GATA4: variants seen among roughly 807,000 people sequenced by gnomAD.
GATA4 encodes the protein transcription factor GATA-4.
In GATA4, 7 loss-of-function variants were observed where a neutral mutation model predicts 37.9. The observed-to-expected ratio is 0.18, with a 90% CI of 0.11 to 0.35. GATA4 has a LOEUF of 0.35. Ranked by LOEUF, GATA4 falls within the 10% of genes least tolerant of loss-of-function variation. GATA4 has a pLI of 1.00. For synonymous variants in GATA4, 372 were observed against 292.6 expected, an observed-to-expected ratio of 1.27 and a Z score of -2.77; for missense variants, 647 against 653.0, an observed-to-expected ratio of 0.99 and a Z score of 0.10.
At chr8:11,701,244 GAAA>G (rs56051265), upstream of GATA4, among the ~76,000 whole-genome samples, 235 of 126,332 alleles carry the variant, frequency 1.9e-3, no homozygotes, top group African/African-American at 3.5e-3. Flanking sequence ...CAGGTTCTTA[GAAA>G]AAAAAAAAAA....
intron 1 of GATA4, among the ~76,000 whole-genome samples, chr8:11,687,505 G>A (rs1272751711): frequency 6.6e-6 from 1 of 152,284 alleles, no homozygotes; most frequent in African/African-American, 2.4e-5. Context: ...TGGGGGCAAT[G>A]AATAATTGTT....
intron 2 of GATA4, among the ~76,000 whole-genome samples, chr8:11,743,084 T>C (rs1261579891): frequency 3.9e-5 from 6 of 152,240 alleles, no homozygotes; most frequent in African/African-American, 1.2e-4. Flanking sequence ...CTTTCCACTG[T>C]TGACGTGTCT....
chr8:11,701,573 C>T (rs1007153643), upstream of GATA4, among the ~76,000 whole-genome samples: 3 of 152,054 alleles, frequency 2.0e-5, no homozygotes, highest in African/African-American at 7.2e-5. Context: ...CCCGCTTGGC[C>T]CAAGGGAGGG....
At chr8:11,732,423 C>T (rs146063106) in intron 2 of GATA4, among the ~76,000 whole-genome samples, 1 of 152,294 alleles carries the variant, frequency 6.6e-6, no homozygotes, top group African/African-American at 2.4e-5. Context: ...GTTTCATCTA[C>T]TTTATATTTG....
At chr8:11,686,276 C>G (rs765699345) in intron 1 of GATA4, among the ~76,000 whole-genome samples, 1 of 150,640 alleles carries the variant, frequency 6.6e-6, no homozygotes, top group African/African-American at 2.4e-5. Context: ...AAAGTAACAT[C>G]GAGATAAAGA....
chr8:11,689,200 T>C (rs963436356), upstream of GATA4, among the ~76,000 whole-genome samples: 1 of 152,220 alleles, frequency 6.6e-6, no homozygotes, highest in African/African-American at 2.4e-5. Flanking sequence ...TAACCACTTA[T>C]TTCTGGGCCC....
intron 2 of GATA4, among the ~76,000 whole-genome samples, chr8:11,713,285 A>G (rs1253403674): frequency 6.6e-6 from 1 of 152,238 alleles, no homozygotes; most frequent in African/African-American, 2.4e-5. Flanking sequence ...CAAATGTTAA[A>G]ATCATTAATT....
At chr8:11,706,934 C>T (rs906915007) in intron 1 of GATA4, among the ~76,000 whole-genome samples, 8 of 152,282 alleles carry the variant, frequency 5.3e-5, no homozygotes, top group African/African-American at 1.9e-4. Flanking sequence ...CTTATTTTAT[C>T]AGAAAAATTG....
At chr8:11,711,306 G>A (rs1800172669) in intron 2 of GATA4, among the ~76,000 whole-genome samples, 2 of 152,192 alleles carry the variant, frequency 1.3e-5, no homozygotes, top group Admixed American at 1.3e-4. Context: ...GATAGCTTAT[G>A]AAGTCCACAG....
At chr8:11,739,031 C>T (rs186646267) in intron 2 of GATA4, among the ~76,000 whole-genome samples, 41 of 152,334 alleles carry the variant, frequency 2.7e-4, no homozygotes, top group African/African-American at 9.9e-4. Flanking sequence ...TGCCTGAGCC[C>T]AGATGGGGAT....
intron 2 of GATA4, among the ~76,000 whole-genome samples, chr8:11,722,107 C>G (rs1336529290): frequency 6.6e-6 from 1 of 152,174 alleles, no homozygotes; most frequent in Non-Finnish European, 1.5e-5. Context: ...CTCAGCCTCC[C>G]AAAGTGCCAG....
chr8:11,701,561 C>A (rs1000410329), upstream of GATA4, among the ~76,000 whole-genome samples: 1 of 152,264 alleles, frequency 6.6e-6, no homozygotes, highest in East Asian at 1.9e-4. Flanking sequence ...AACCTGCAGG[C>A]TCCCGCTTGG....
intron 1 of GATA4, 50 bp downstream of exon 1, chr8:11,704,354 C>T (rs1015230006): frequency 4.6e-5 from 7 of 152,290 alleles, no homozygotes; most frequent in African/African-American, 1.7e-4. Context: ...GTCCCCCAAA[C>T]TCGGAGCTTC....
chr8:11,750,290 A>G, intron 4 of GATA4, 54 bp downstream of exon 4: 1 of 1,605,404 alleles, frequency 6.2e-7, no homozygotes, highest in Non-Finnish European at 8.5e-7. Context: ...CCCATCTCTC[A>G]GTCCTCCCTT....
At chr8:11,736,408 G>A (rs572900769) in intron 2 of GATA4, among the ~76,000 whole-genome samples, 3 of 152,352 alleles carry the variant, frequency 2.0e-5, no homozygotes, top group East Asian at 3.9e-4. Flanking sequence ...TGTTGGCTAA[G>A]GCGTCCACCT....
intron 2 of GATA4, among the ~76,000 whole-genome samples, chr8:11,738,165 A>G (rs1008912838): frequency 6.8e-6 from 1 of 147,398 alleles, no homozygotes; most frequent in Admixed American, 6.8e-5. Flanking sequence ...TGGGTGACAG[A>G]GCAAGACTCT....
upstream of GATA4, among the ~76,000 whole-genome samples, chr8:11,688,550 A>ACACG (rs1446569100): frequency 6.6e-6 from 1 of 151,876 alleles, no homozygotes; most frequent in Non-Finnish European, 1.5e-5. Flanking sequence ...ACACACACAC[A>ACACG]CTTGAATCTC....
chr8:11,754,971 A>G, intron 4 of GATA4, 75 bp from the exon 5 acceptor site: 1 of 1,167,114 alleles, frequency 8.6e-7, no homozygotes, highest in Non-Finnish European at 1.3e-6. Context: ...TTCTCGCAGC[A>G]GGTGTGTGTC....
chr8:11,750,566 C>T (rs906534718), intron 4 of GATA4, among the ~76,000 whole-genome samples: 2 of 152,118 alleles, frequency 1.3e-5, no homozygotes, highest in Admixed American at 1.3e-4. Flanking sequence ...AAAGCATGAC[C>T]TCTACCTCCT....
Sources: allele counts gnomAD v4.1 joint callset (sites outside exome capture counted in the v4.1 genomes callset), GRCh38; gene constraint gnomAD v4.1.1; transcripts MANE v1.5; gene names NCBI Gene and HGNC (gene_info 2026-07-23, HGNC 2026-07-21).